NECAB2: variants seen among roughly 807,000 people sequenced by gnomAD.
NECAB2 encodes N-terminal EF-hand calcium-binding protein 2.
A neutral mutation model predicts 51.9 loss-of-function variants in NECAB2; 68 were observed. That is an observed-to-expected ratio of 1.31 (90% CI 1.08 to 1.60). The LOEUF is 1.60. Ranked by LOEUF, NECAB2 falls within the 40% of genes most tolerant of loss-of-function variation. The pLI is 0.00. For missense variants in NECAB2, 854 were observed against 490.3 expected (o/e 1.74, Z -7.00); for synonymous variants, 329 against 203.5 (o/e 1.62, Z -5.25).
At chr16:83,986,471 A>C (rs2084557129) in intron 5 of NECAB2, among the ~76,000 whole-genome samples, 1 of 152,182 alleles carries the variant, frequency 6.6e-6, no homozygotes, top group Non-Finnish European at 1.5e-5. Flanking sequence ...CCAGGGCAAC[A>C]ACCAATTGCC....
At chr16:83,982,672 G>C (rs746172909) in intron 5 of NECAB2, among the ~76,000 whole-genome samples, 1 of 152,106 alleles carries the variant, frequency 6.6e-6, no homozygotes, top group Non-Finnish European at 1.5e-5. Context: ...TCTTCAGTCA[G>C]ACTTTTCAGG....
chr16:83,986,924 C>T (rs188045553), intron 5 of NECAB2, among the ~76,000 whole-genome samples: 4 of 152,204 alleles, frequency 2.6e-5, no homozygotes, highest in African/African-American at 7.2e-5. Context: ...AACATTACCT[C>T]GTAGGTACAA....
intron 5 of NECAB2, among the ~76,000 whole-genome samples, chr16:83,984,133 C>G (rs35363701): frequency 6.6e-6 from 1 of 151,356 alleles, no homozygotes; most frequent in East Asian, 2.0e-4. Context: ...GTAGCTGGGA[C>G]TACAGGCGCC....
In NECAB2 at chr16:83,998,806, C is replaced by CCCTCCTCCG. The variant is rs578156669; in HGVS notation, c.962+492_962+493insCCTCCGCCT. Among the ~76,000 whole-genome samples the CCCTCCTCCG allele has an allele frequency of 1.2e-3, 190 of 152,222 alleles. 1 individual carries two copies. Among genetic ancestry groups the CCCTCCTCCG allele is most frequent in the African/African-American group, 4.5e-3 (185 of 41,518 alleles). ...CCAAGTCATGTAGTTGCCCTTCTCCCCCTGATGTGCTGAGATGTCCAGGGC... is the reference window on the plus strand; with the variant it reads ...CCAAGTCATGTAGTTGCCCTTCTCCCCCTCCTCCGCCTGATGTGCTGAGATGTCCAGGGC... On this transcript the variant is annotated intron_variant, in intron 10 of 12. Coordinates refer to ENST00000305202, the MANE Select transcript of NECAB2 (RefSeq NM_019065.3).
At chr16:83,995,242 C>T (rs1390274932) in intron 8 of NECAB2, among the ~76,000 whole-genome samples, 2 of 152,118 alleles carry the variant, frequency 1.3e-5, no homozygotes, top group African/African-American at 4.8e-5. Flanking sequence ...ACAATATGAC[C>T]ATTTGGTGGA....
intron 5 of NECAB2, among the ~76,000 whole-genome samples, chr16:83,988,239 C>A (rs1468201148): frequency 6.6e-6 from 1 of 151,994 alleles, no homozygotes; most frequent in East Asian, 1.9e-4. Context: ...GTGTTTTATT[C>A]TTCCCTTTTT....
chr16:83,999,249 C>G (rs993096667), intron 10 of NECAB2, among the ~76,000 whole-genome samples: 2 of 150,894 alleles, frequency 1.3e-5, no homozygotes, highest in South Asian at 4.2e-4. Context: ...AGGGGCCATT[C>G]TTGAGTAAGT....
intron 5 of NECAB2, among the ~76,000 whole-genome samples, chr16:83,990,240 C>G (rs1003103081): frequency 6.6e-6 from 1 of 152,136 alleles, no homozygotes; most frequent in African/African-American, 2.4e-5. Context: ...CTTCAGTGAC[C>G]CCATTATACT....
intron 6 of NECAB2, among the ~76,000 whole-genome samples, chr16:83,992,309 T>G (rs554904425): frequency 6.6e-6 from 1 of 151,788 alleles, no homozygotes; most frequent in African/African-American, 2.4e-5. Flanking sequence ...GGGTGTGACC[T>G]GGTATTTAGA....
chr16:83,979,994 G>T (rs185986373), intron 3 of NECAB2, among the ~76,000 whole-genome samples: 2 of 152,300 alleles, frequency 1.3e-5, no homozygotes, highest in Admixed American at 1.3e-4. Context: ...ATGAGATGGA[G>T]GTTGGAGGCA....
chr16:83,980,351 G>A (rs1270488539), intron 3 of NECAB2, among the ~76,000 whole-genome samples: 1 of 152,182 alleles, frequency 6.6e-6, no homozygotes. Context: ...AGAAAGGACA[G>A]GACCCTTCTC....
chr16:83,996,950 T>C (rs995942852), intron 8 of NECAB2, among the ~76,000 whole-genome samples: 1 of 151,710 alleles, frequency 6.6e-6, no homozygotes, highest in Non-Finnish European at 1.5e-5. Flanking sequence ...TTGCTCATCA[T>C]AGTGGCAAAC....
chr16:83,977,091 A>G (rs999210433), intron 2 of NECAB2, among the ~76,000 whole-genome samples: 14 of 152,226 alleles, frequency 9.2e-5, no homozygotes, highest in African/African-American at 3.1e-4. Flanking sequence ...CGGCAGAGAA[A>G]GGAGAGTCTT....
At chr16:84,000,858 T>G (rs1242901110) in intron 11 of NECAB2, 57 bp downstream of exon 11, 2 of 1,563,514 alleles carry the variant, frequency 1.3e-6, no homozygotes, top group African/African-American at 1.4e-5. Context: ...GGGGGGGCTG[T>G]CTTCCTGGAG....
chr16:83,984,401 G>A (rs113532939), intron 5 of NECAB2, among the ~76,000 whole-genome samples: 8,485 of 151,582 alleles, frequency 0.056, 325 homozygotes, highest in Middle Eastern at 0.12. Context: ...TTTGACACAC[G>A]CAGGCACTTA....
intron 9 of NECAB2, 55 bp downstream of exon 9, chr16:83,997,324 T>A: frequency 6.2e-7 from 1 of 1,609,530 alleles, no homozygotes; most frequent in East Asian, 2.2e-5. Context: ...ATGCCAGGAC[T>A]GCCAAGATCC....
chr16:84,001,317 C>CA (rs2084829239), intron 11 of NECAB2, among the ~76,000 whole-genome samples: 1 of 152,092 alleles, frequency 6.6e-6, no homozygotes, highest in African/African-American at 2.4e-5. Context: ...CGCCAGACCC[C>CA]ACAGGCAGGA....
rs559633123 is a variant in NECAB2, at chr16:83,968,837, C to G, written c.189C>G (p.Ala63=). ...CAGCCTCGCCGCGCGGGGGCACCGC[C>G]GTCATCCTGGACGTGAGTACGCGCC... The part of the protein sequence containing the change: ...PGPASPRGGT[A]VILDIFRRAD... Residue 63 remains alanine, a synonymous_variant, in exon 1 of 13, where the codon GCC becomes GCG. Transcript: ENST00000305202. The G allele has an allele frequency of 1.9e-4, 218 of 1,127,742 alleles. 1 individual carries two copies. In the African/African-American group the frequency reaches 3.0e-3, roughly 16 times the overall value. The allele number at this position is 1,127,742 out of a possible 1,614,324, so 69.9% of individuals were successfully genotyped here.
At chr16:83,996,751 G>C (rs1051076184) in intron 8 of NECAB2, among the ~76,000 whole-genome samples, 1 of 152,144 alleles carries the variant, frequency 6.6e-6, no homozygotes, top group Non-Finnish European at 1.5e-5. Flanking sequence ...GAGCAGATGT[G>C]GTTCCTGGAG....
Sources: allele counts gnomAD v4.1 joint callset (sites outside exome capture counted in the v4.1 genomes callset), GRCh38; gene constraint gnomAD v4.1.1; transcripts MANE v1.5; gene names NCBI Gene and HGNC (gene_info 2026-07-23, HGNC 2026-07-21).